The following USP18 variants were observed in gnomAD, a reference collection of about 807,000 sequenced individuals.
The protein encoded by USP18 is ubl carboxyl-terminal hydrolase 18.
Under a neutral mutation model 48.7 loss-of-function variants are expected in USP18, and 11 were observed. The observed-to-expected ratio is 0.23, with a 90% CI of 0.14 to 0.37. The LOEUF is 0.37. Among genes scored for constraint, USP18 ranks in the 10% least tolerant of loss-of-function variants. USP18 has a pLI of 1.00. For missense variants in USP18, 285 were observed against 436.4 expected, an observed-to-expected ratio of 0.65 and a Z score of 3.09; for synonymous variants, 114 against 163.2, an observed-to-expected ratio of 0.70 and a Z score of 2.30.
At chr22:18,155,920 G>A (rs1029529616) in intron 1 of USP18, among the ~76,000 whole-genome samples, 3 of 152,262 alleles carry the variant, frequency 2.0e-5, no homozygotes, top group Non-Finnish European at 4.4e-5. Flanking sequence ...GCCCAGGTGT[G>A]GGATCCACTG....
rs541621747 is a variant in USP18, at chr22:18,162,791, G to A, written c.400+856G>A. Among the ~76,000 whole-genome samples, 22 of 152,238 alleles carry A rather than the reference G, an allele frequency of 1.4e-4. No homozygotes were observed. In the East Asian group the frequency reaches 4.3e-3, roughly 29 times the overall value. ...CTACACAGCTAGGCTGCATGCTATG[G>A]CCACTGTGCTCATGTGGTCTGCCAT... On this transcript the variant is annotated intron_variant, in intron 4 of 10. Transcript: ENST00000215794.
At chr22:18,153,734 T>A (rs1929057714) in intron 1 of USP18, among the ~76,000 whole-genome samples, 1 of 152,216 alleles carries the variant, frequency 6.6e-6, no homozygotes, top group Admixed American at 6.5e-5. Context: ...AGGTGTGAAC[T>A]GCCATGCCTG....
chr22:18,157,689 G>T lies in USP18; in HGVS notation c.26G>T (p.Arg9Met). 1.2e-6 allele frequency: 2 copies of T among 1,614,120 alleles called. No homozygotes were observed. Among genetic ancestry groups the T allele is most frequent in the African/African-American group, 1.3e-5 (1 of 75,036 alleles). Residue 9 changes from arginine to methionine, a missense_variant, in exon 2 of 11, where the codon AGG (arginine) becomes ATG (methionine). Around this residue, in one of 5 missense-constraint regions of USP18, gnomAD observed 199 missense variants for 239.6 expected, o/e 0.83. Transcript: ENST00000215794. ...ATGAGCAAGGCGTTTGGGCTCCTGA[G>T]GCAAATCTGTCAGTCCATCCTGGCT... MSKAFGLL[R>M]QICQSILAES...
At position 18,161,654 on chromosome 22, in the gene USP18, G is replaced by A. The variant is rs568178959; in HGVS notation, c.255-136G>A. On this transcript the variant is annotated intron_variant, in intron 3 of 10. Transcript: ENST00000215794. ...GATAACTGCCCGCGCCCCGCCCCCC[G>A]GACCCAGAATTCTGGTTTAATTTGT... 4.2e-5 allele frequency: 38 copies of A among 894,876 alleles called. No homozygotes were observed. In the African/African-American group the frequency reaches 5.5e-4, roughly 13 times the overall value. 55.4% of individuals were successfully genotyped at this position (894,876 alleles called of 1,614,324 possible).
chr22:18,172,524 T>C (rs1018664074), intron 8 of USP18, among the ~76,000 whole-genome samples: 2 of 152,004 alleles, frequency 1.3e-5, no homozygotes, highest in Non-Finnish European at 2.9e-5. Context: ...AGATTTCCGC[T>C]CCTTTTCTTT....
intron 1 of USP18, among the ~76,000 whole-genome samples, chr22:18,152,374 T>G (rs1400641453): frequency 6.7e-6 from 1 of 150,278 alleles, no homozygotes; most frequent in Non-Finnish European, 1.5e-5. Context: ...TCTTTAGTGG[T>G]GGGCCTGGGC....
At chr22:18,157,845 T>G in intron 2 of USP18, 25 bp downstream of exon 2, 1 of 1,612,962 alleles carries the variant, frequency 6.2e-7, no homozygotes, top group Non-Finnish European at 8.5e-7. Context: ...CCCGTTTTCC[T>G]CTTCTTGACT....
At chr22:18,168,243 C>T (rs965715334) in intron 6 of USP18, among the ~76,000 whole-genome samples, 26 of 152,238 alleles carry the variant, frequency 1.7e-4, no homozygotes, top group African/African-American at 5.8e-4. Flanking sequence ...CATCACATGG[C>T]GAGGGGGCTG....
At chr22:18,166,662 T>G (rs1373493461) in intron 4 of USP18, among the ~76,000 whole-genome samples, 5 of 152,196 alleles carry the variant, frequency 3.3e-5, no homozygotes, top group South Asian at 4.2e-4. Context: ...GTGGCCTTGT[T>G]GTCAGCCAGA....
rs542851593 is a variant in USP18 at position 18,159,172 on chromosome 22, C to T, written c.158-1000C>T. ...CCAGGTTCAAGCAGTTCTCCTTCCTCAGCCTCCCGAGTAGCTGGGATTACA... is the reference window on the plus strand; with the variant it reads ...CCAGGTTCAAGCAGTTCTCCTTCCTTAGCCTCCCGAGTAGCTGGGATTACA... On this transcript the variant is annotated intron_variant, in intron 2 of 10. Coordinates refer to ENST00000215794, the MANE Select transcript of USP18 (RefSeq NM_017414.4). Among the ~76,000 whole-genome samples the T allele has an allele frequency of 7.9e-5, 12 of 152,240 alleles. 2 individuals are homozygous for T. The East Asian group carries it at 2.1e-3, about 27-fold the overall frequency.
chr22:18,157,959 G>A, intron 2 of USP18, 139 bp downstream of exon 2: 1 of 1,251,768 alleles, frequency 8.0e-7, no homozygotes, highest in Non-Finnish European at 1.1e-6. Context: ...TTTAGATGGG[G>A]ATACAGCCTG....
At chr22:18,153,160 G>A (rs1929041922) in intron 1 of USP18, among the ~76,000 whole-genome samples, 1 of 152,142 alleles carries the variant, frequency 6.6e-6, no homozygotes, top group Non-Finnish European at 1.5e-5. Context: ...TGGGCGCGGT[G>A]GCTCATGCCT....
At chr22:18,151,928 C>T (rs1929009101) in intron 1 of USP18, among the ~76,000 whole-genome samples, 2 of 152,256 alleles carry the variant, frequency 1.3e-5, no homozygotes, top group South Asian at 4.1e-4. Context: ...GCGGCAGGCG[C>T]CTGTAGTCCC....
chr22:18,171,035 C>A (rs1844089586), intron 8 of USP18, 115 bp downstream of exon 8: 2 of 428,618 alleles, frequency 4.7e-6, no homozygotes, highest in Non-Finnish European at 7.8e-6. Context: ...CAGAGACTGT[C>A]CCCAGCCTCA....
In USP18 at chr22:18,156,025, C is replaced by G. The variant is rs201414446; in HGVS notation, c.-106-1533C>G. Among the ~76,000 whole-genome samples, 10 of 152,346 alleles carry G rather than the reference C, an allele frequency of 6.6e-5. No individual in the cohort carries two copies. In the East Asian group the frequency reaches 1.7e-3, roughly 26 times the overall value. On this transcript the variant is annotated intron_variant, in intron 1 of 10. Coordinates refer to ENST00000215794, the MANE Select transcript of USP18 (RefSeq NM_017414.4). ...AAATATACCAATCGGCACTCTGTAT[C>G]TAGCTCAAGGTTTGTAAACACACCA...
In USP18 at chr22:18,166,612, A is replaced by G. The variant is rs1456118315; in HGVS notation, c.401-643A>G. ...TGTTGCTGTTTTATCGTTTCTGGGC[A>G]GTTCATGATTCTGTATTCGCCTTCA... On this transcript the variant is annotated intron_variant, in intron 4 of 10. Coordinates refer to ENST00000215794, the MANE Select transcript of USP18 (RefSeq NM_017414.4). Among the ~76,000 whole-genome samples, 17 of 152,050 alleles carry G rather than the reference A, an allele frequency of 1.1e-4. No homozygotes were observed. In the South Asian group the frequency reaches 2.3e-3, roughly 20 times the overall value.
chr22:18,169,836 T>C lies in USP18; in HGVS notation c.628-8T>C. 6.3e-7 allele frequency: 1 copy of C among 1,581,394 alleles called. No homozygotes were observed. Among genetic ancestry groups the C allele is most frequent in the East Asian group, 2.3e-5 (1 of 43,504 alleles). ...GCTGCTTTTTCCCTGTTCTCTTGGG[T>C]GGGACAGGAGGACGCCCTGCACTGC... On this transcript the variant is annotated splice_polypyrimidine_tract_variant and splice_region_variant and intron_variant, in intron 6 of 10. Transcript: ENST00000215794.
intron 10 of USP18, among the ~76,000 whole-genome samples, chr22:18,175,282 T>C (rs2123744961): frequency 6.6e-6 from 1 of 152,242 alleles, no homozygotes; most frequent in Admixed American, 6.5e-5. Flanking sequence ...AGAGACTTTG[T>C]AAGTTTCTTA....
At chr22:18,156,893 C>G (rs1929166413) in intron 1 of USP18, among the ~76,000 whole-genome samples, 1 of 152,242 alleles carries the variant, frequency 6.6e-6, no homozygotes, top group Admixed American at 6.5e-5. Flanking sequence ...AGGCGAAGTA[C>G]TCCACTTACC....
Sources: allele counts gnomAD v4.1 joint callset (sites outside exome capture counted in the v4.1 genomes callset), GRCh38; gene constraint gnomAD v4.1.1; regional missense constraint gnomAD v4.1.1; transcripts MANE v1.5; gene names NCBI Gene and HGNC (gene_info 2026-07-23, HGNC 2026-07-21).